The following SPAG16 variants were observed in gnomAD, a reference collection of about 807,000 sequenced individuals.
SPAG16 encodes sperm-associated antigen 16 protein.
A neutral mutation model predicts 80.4 loss-of-function variants in SPAG16; 86 were observed. That is an observed-to-expected ratio of 1.07 (90% confidence interval 0.90 to 1.28). The LOEUF (loss-of-function observed/expected upper bound fraction) is 1.28. Ranked by LOEUF, SPAG16 falls within the 50% of genes most tolerant of loss-of-function variation. The pLI, the probability that SPAG16 is intolerant of heterozygous loss-of-function variation, is 0.00. For synonymous variants in SPAG16, 294 were observed against 265.9 expected (o/e 1.11, Z -1.03); for missense variants, 870 against 765.3 (o/e 1.14, Z -1.61).
At chr2:214,132,869 G>T (rs2054849510) in intron 14 of SPAG16, among the ~76,000 whole-genome samples, 1 of 152,120 alleles carries the variant, frequency 6.6e-6, no homozygotes, top group East Asian at 1.9e-4. Context: ...TAGGCGGGCG[G>T]ATCACCTGAG....
At chr2:214,341,178 C>G (rs1171930137) in intron 15 of SPAG16, among the ~76,000 whole-genome samples, 1 of 151,862 alleles carries the variant, frequency 6.6e-6, no homozygotes, top group Non-Finnish European at 1.5e-5. Context: ...AAATATTTAA[C>G]TAGAAAGAGT....
At chr2:214,001,033 T>C (rs2046766902) in intron 12 of SPAG16, among the ~76,000 whole-genome samples, 1 of 152,152 alleles carries the variant, frequency 6.6e-6, no homozygotes, top group Non-Finnish European at 1.5e-5. Context: ...TTTCAGGAGG[T>C]AGATATGGAA....
At chr2:213,708,801 A>G (rs146036704) in intron 10 of SPAG16, among the ~76,000 whole-genome samples, 29 of 152,258 alleles carry the variant, frequency 1.9e-4, no homozygotes, top group African/African-American at 6.0e-4. Flanking sequence ...GGGGGAAAAA[A>G]GTACTGGGGT....
At chr2:214,072,123 T>C (rs186605479) in intron 13 of SPAG16, among the ~76,000 whole-genome samples, 6 of 152,212 alleles carry the variant, frequency 3.9e-5, no homozygotes. Flanking sequence ...ACATGACCCT[T>C]AACATTTCCA....
intron 12 of SPAG16, among the ~76,000 whole-genome samples, chr2:213,948,289 A>C (rs2079559318): frequency 6.6e-6 from 1 of 152,188 alleles, no homozygotes; most frequent in Non-Finnish European, 1.5e-5. Flanking sequence ...ACAGATAAAC[A>C]GACACGCAAA....
chr2:214,007,444 AT>A (rs1415542759), intron 12 of SPAG16, among the ~76,000 whole-genome samples: 5 of 152,114 alleles, frequency 3.3e-5, no homozygotes, highest in South Asian at 2.1e-4. Flanking sequence ...AAAAAAAAAA[AT>A]GTGTGAAATT....
Position 213,421,920 on chromosome 2 carries a change from C to T in SPAG16, c.942+46801C>T, listed in dbSNP as rs374976972. On this transcript the variant is annotated intron_variant, in intron 9 of 15. Coordinates refer to ENST00000331683, the MANE Select transcript of SPAG16 (RefSeq NM_024532.5). ...CTGGAAACGCATTGGGCTGACGTGC[C>T]TGCAGAAATGAGCTACCCACTTTGG... Among the ~76,000 whole-genome samples the T allele has an allele frequency of 4.7e-4, 71 of 152,278 alleles. 1 individual carries two copies. In the South Asian group the frequency reaches 0.013, roughly 29 times the overall value.
At chr2:213,781,698 A>C (rs1341575559) in intron 10 of SPAG16, among the ~76,000 whole-genome samples, 3 of 152,124 alleles carry the variant, frequency 2.0e-5, no homozygotes, top group African/African-American at 7.2e-5. Flanking sequence ...GCACTGGGTA[A>C]ATTTTCTAGA....
At chr2:213,414,393 T>G (rs946906481) in intron 9 of SPAG16, among the ~76,000 whole-genome samples, 1 of 152,214 alleles carries the variant, frequency 6.6e-6, no homozygotes, top group African/African-American at 2.4e-5. Context: ...CATTTTTTAC[T>G]GTAGAATATT....
intron 15 of SPAG16, among the ~76,000 whole-genome samples, chr2:214,214,404 AG>A (rs1456390150): frequency 3.9e-5 from 6 of 152,112 alleles, no homozygotes; most frequent in Admixed American, 3.9e-4. Context: ...TCCTGACTTC[AG>A]GTGATCTGCC....
intron 13 of SPAG16, among the ~76,000 whole-genome samples, chr2:214,042,476 C>T (rs1453967233): frequency 6.6e-6 from 1 of 151,816 alleles, no homozygotes; most frequent in Admixed American, 6.6e-5. Context: ...AAACTCCTTA[C>T]CTCTATTTTA....
chr2:213,294,691 G>A (rs1575102495), intron 1 of SPAG16, among the ~76,000 whole-genome samples: 1 of 152,176 alleles, frequency 6.6e-6, no homozygotes, highest in Non-Finnish European at 1.5e-5. Context: ...AAGGGATAGG[G>A]ATAAGACATA....
intron 11 of SPAG16, among the ~76,000 whole-genome samples, chr2:213,880,567 G>A (rs2076305569): frequency 6.6e-6 from 1 of 152,118 alleles, no homozygotes; most frequent in Non-Finnish European, 1.5e-5. Context: ...TGTCAAGAAT[G>A]GTATTTCCTA....
intron 10 of SPAG16, among the ~76,000 whole-genome samples, chr2:213,656,653 C>G (rs2063234283): frequency 6.6e-6 from 1 of 152,160 alleles, no homozygotes. Context: ...TTTGGTTTTG[C>G]TCAACTATCA....
chr2:214,298,818 G>A (rs1327520271), intron 15 of SPAG16, among the ~76,000 whole-genome samples: 1 of 152,156 alleles, frequency 6.6e-6, no homozygotes, highest in Non-Finnish European at 1.5e-5. Context: ...ATTTGGCAAA[G>A]ACTGCTCTAG....
chr2:214,088,110 A>G (rs1415126566), intron 13 of SPAG16, among the ~76,000 whole-genome samples: 2 of 152,144 alleles, frequency 1.3e-5, no homozygotes, highest in African/African-American at 4.8e-5. Context: ...ACAACAGCAA[A>G]GGAATCGCTA....
At chr2:213,702,401 A>G (rs974184329) in intron 10 of SPAG16, among the ~76,000 whole-genome samples, 1 of 152,060 alleles carries the variant, frequency 6.6e-6, no homozygotes, top group Non-Finnish European at 1.5e-5. Flanking sequence ...TCCATGCAGC[A>G]TTTATGAGCT....
Position 213,523,068 on chromosome 2 carries a change from C to T in SPAG16, c.1070+32978C>T, listed in dbSNP as rs117546649. ...TAATTGATATGGTTTGGCTGTGTCA[C>T]CTCCCAGATCTCATCTTGAATTGTA... On this transcript the variant is annotated intron_variant, in intron 10 of 15. Transcript: ENST00000331683. Among the ~76,000 whole-genome samples the T allele has an allele frequency of 4.1e-4, 63 of 152,240 alleles. 1 individual carries two copies. The East Asian group carries it at 0.011, about 27-fold the overall frequency.
intron 10 of SPAG16, among the ~76,000 whole-genome samples, chr2:213,547,697 G>A (rs1047923792): frequency 6.6e-6 from 1 of 152,112 alleles, no homozygotes; most frequent in Non-Finnish European, 1.5e-5. Flanking sequence ...TTGTCAGCAT[G>A]GTCCTGTCTC....
Sources: allele counts gnomAD v4.1 joint callset (sites outside exome capture counted in the v4.1 genomes callset), GRCh38; gene constraint gnomAD v4.1.1; transcripts MANE v1.5; gene names NCBI Gene and HGNC (gene_info 2026-07-23, HGNC 2026-07-21).